The following PCSK2 variants were observed in gnomAD, a reference collection of about 807,000 sequenced individuals.
PCSK2 encodes proprotein convertase subtilisin/kexin type 2, also known as neuroendocrine convertase 2.
PCSK2 carries 14 observed loss-of-function variants against 69.7 expected under a neutral mutation model. The observed-to-expected ratio is 0.20, with a 90% CI of 0.13 to 0.31. The LOEUF is 0.31. PCSK2 is among the 10% of genes least tolerant of loss of function. The pLI, the probability that PCSK2 is intolerant of heterozygous loss-of-function variation, is 1.00. For missense variants in PCSK2, 544 were observed against 842.5 expected, an observed-to-expected ratio of 0.65 and a Z score of 4.39; for synonymous variants, 307 against 320.7, an observed-to-expected ratio of 0.96 and a Z score of 0.46.
At chr20:17,258,436 C>A (rs141822051) in intron 1 of PCSK2, among the ~76,000 whole-genome samples, 1 of 151,860 alleles carries the variant, frequency 6.6e-6, no homozygotes, top group African/African-American at 2.4e-5. Context: ...TTCTATCATA[C>A]CTGAAGTTTC....
chr20:17,279,611 G>A (rs1009811465), intron 2 of PCSK2, among the ~76,000 whole-genome samples: 1 of 151,962 alleles, frequency 6.6e-6, no homozygotes, highest in African/African-American at 2.4e-5. Context: ...TTCGAGACCA[G>A]CCTGACCAAC....
rs755783056 is a variant in PCSK2 at position 17,429,519 on chromosome 20, T to G, written c.705T>G (p.Val235=). Residue 235 remains valine, a synonymous_variant, in exon 7 of 12, where the codon GTT becomes GTG. Transcript: ENST00000262545. ...TTGGAGTAGCATACAACTCCAAGGT[T>G]GCAGGTAAGCCATCCCTGCCAAACA... ...CGVGVAYNSK[V]AGIRMLDQPF... The G allele has an allele frequency of 6.2e-7, 1 of 1,610,880 alleles. No homozygotes were observed. Among genetic ancestry groups the G allele is most frequent in the Non-Finnish European group, 8.5e-7 (1 of 1,177,494 alleles).
chr20:17,408,533 C>T (rs187891557), intron 5 of PCSK2, among the ~76,000 whole-genome samples: 1 of 152,170 alleles, frequency 6.6e-6, no homozygotes, highest in Non-Finnish European at 1.5e-5. Context: ...TGCTGTAGGG[C>T]ATAAGAGTTC....
intron 2 of PCSK2, among the ~76,000 whole-genome samples, chr20:17,316,866 G>A (rs6080636): frequency 0.21 from 32,153 of 152,000 alleles, 3,819 homozygotes; most frequent in Middle Eastern, 0.3. Flanking sequence ...GAGATTTCCC[G>A]TGACATAAGT....
chr20:17,283,489 T>A (rs1988395998), intron 2 of PCSK2, among the ~76,000 whole-genome samples: 1 of 152,150 alleles, frequency 6.6e-6, no homozygotes, highest in Admixed American at 6.5e-5. Flanking sequence ...CAGAAGGAAC[T>A]GTCGAATTTG....
intron 7 of PCSK2, among the ~76,000 whole-genome samples, chr20:17,430,240 CAG>C (rs1277664723): frequency 2.6e-5 from 4 of 152,134 alleles, no homozygotes; most frequent in African/African-American, 9.7e-5. Context: ...GAGACACAGA[CAG>C]AGACAGAGAC....
chr20:17,367,777 C>T (rs1277773241), intron 4 of PCSK2, among the ~76,000 whole-genome samples: 3 of 152,196 alleles, frequency 2.0e-5, no homozygotes, highest in Non-Finnish European at 2.9e-5. Context: ...GGATTACAGG[C>T]GTGAGCCACC....
At chr20:17,361,807 C>T (rs1390259602) in intron 4 of PCSK2, among the ~76,000 whole-genome samples, 1 of 152,186 alleles carries the variant, frequency 6.6e-6, no homozygotes, top group Admixed American at 6.5e-5. Flanking sequence ...CAAGGGCTCT[C>T]ACAAGAAGAA....
At chr20:17,246,269 C>T (rs1986767697) in intron 1 of PCSK2, among the ~76,000 whole-genome samples, 1 of 152,296 alleles carries the variant, frequency 6.6e-6, no homozygotes, top group Non-Finnish European at 1.5e-5. Context: ...CTCCCTACTA[C>T]TGTATTCGAA....
intron 2 of PCSK2, among the ~76,000 whole-genome samples, chr20:17,317,301 T>G (rs184701252): frequency 6.6e-6 from 1 of 152,324 alleles, no homozygotes; most frequent in African/African-American, 2.4e-5. Context: ...TTTCCCCCTA[T>G]TAAACTTTAT....
chr20:17,358,443 G>T lies in PCSK2; in HGVS notation c.396+3G>T. On this transcript the variant is annotated splice_donor_region_variant and intron_variant, in intron 3 of 11. Transcript: ENST00000262545. ...TTTTTACAAAGCAGTGGTATCTGGT[G>T]AGTGTCTTTATGTCCTTTTGGACAT... The T allele has an allele frequency of 1.4e-6, 2 of 1,468,586 alleles. No individual in the cohort carries two copies. The highest frequency in any genetic ancestry group is 1.9e-6 in the Non-Finnish European group (2 of 1,047,292). The allele number at this position is 1,468,586 out of a possible 1,614,324, so 91.0% of individuals were successfully genotyped here.
intron 2 of PCSK2, among the ~76,000 whole-genome samples, chr20:17,302,632 C>T (rs967202741): frequency 1.3e-5 from 2 of 152,148 alleles, no homozygotes; most frequent in Non-Finnish European, 2.9e-5. Context: ...AACAGTGGAG[C>T]TATTCTCTTT....
intron 1 of PCSK2, among the ~76,000 whole-genome samples, chr20:17,241,651 G>C (rs1336435514): frequency 6.6e-6 from 1 of 152,108 alleles, no homozygotes; most frequent in Non-Finnish European, 1.5e-5. Flanking sequence ...GATACTAATG[G>C]CTTGATTAAT....
At chr20:17,457,815 G>T (rs6131957) in intron 10 of PCSK2, among the ~76,000 whole-genome samples, 1 of 152,168 alleles carries the variant, frequency 6.6e-6, no homozygotes. Flanking sequence ...CTCCAAAAGC[G>T]AGAAGGGTTT....
At chr20:17,264,676 C>G (rs1190685413) in intron 2 of PCSK2, among the ~76,000 whole-genome samples, 1 of 152,044 alleles carries the variant, frequency 6.6e-6, no homozygotes, top group Non-Finnish European at 1.5e-5. Context: ...ACCACTGGAG[C>G]AAAAGAAAAG....
At chr20:17,378,666 T>C (rs1205703876) in intron 5 of PCSK2, among the ~76,000 whole-genome samples, 1 of 151,742 alleles carries the variant, frequency 6.6e-6, no homozygotes, top group Non-Finnish European at 1.5e-5. Flanking sequence ...GATGATTGGA[T>C]GGATGGATGG....
chr20:17,271,889 A>G (rs1310577905), intron 2 of PCSK2, among the ~76,000 whole-genome samples: 9 of 152,106 alleles, frequency 5.9e-5, no homozygotes, highest in Admixed American at 4.6e-4. Context: ...TCCCTACTCT[A>G]CAACACCCCA....
In PCSK2 at chr20:17,384,192, G is replaced by C. The variant is rs111429914; in HGVS notation, c.543+14915G>C. Among the ~76,000 whole-genome samples the C allele has an allele frequency of 9.6e-3, 1,459 of 152,234 alleles. 9 individuals carry two copies. Among genetic ancestry groups the C allele is most frequent in the South Asian group, 0.015 (74 of 4,820 alleles). Reference sequence around the variant, plus strand: ...TAACACAGCAAAAATCTGAGAGGGAGGACAAATGGCAATGATACATCTTAG... The same window carrying C: ...TAACACAGCAAAAATCTGAGAGGGACGACAAATGGCAATGATACATCTTAG... On this transcript the variant is annotated intron_variant, in intron 5 of 11. Transcript: ENST00000262545.
chr20:17,481,935 T>A lies in PCSK2; in HGVS notation c.1782T>A (p.Thr594=). 1 of 1,613,594 alleles carries A rather than the reference T, an allele frequency of 6.2e-7. No homozygotes were observed. Among genetic ancestry groups the A allele is most frequent in the Non-Finnish European group, 8.5e-7 (1 of 1,179,964 alleles). ...AGTGGACCCTGATGCTGCATGGCAC[T>A]CAGAGTGCCCCGTACATCGACCAGG... ...LKEWTLMLHG[T]QSAPYIDQVV... is the part of the protein sequence containing the mutation. The change falls in exon 12 of 12, where the codon ACT becomes ACA. Residue 594 remains threonine (T), a synonymous_variant. Coordinates refer to ENST00000262545, the MANE Select transcript of PCSK2 (RefSeq NM_002594.5).
Sources: allele counts gnomAD v4.1 joint callset (sites outside exome capture counted in the v4.1 genomes callset), GRCh38; gene constraint gnomAD v4.1.1; transcripts MANE v1.5; gene names NCBI Gene and HGNC (gene_info 2026-07-23, HGNC 2026-07-21).